LRP2: variants seen among roughly 807,000 people sequenced by gnomAD.
LRP2 encodes LDL receptor related protein 2, also known as low-density lipoprotein receptor-related protein 2.
LRP2 carries 172 observed loss-of-function variants against 531.0 expected under a neutral mutation model. That is an observed-to-expected ratio of 0.32 (90% confidence interval 0.29 to 0.37). LRP2 has a LOEUF of 0.37. LRP2 is among the 10% of genes least tolerant of loss of function. LRP2 has a pLI of 1.00. For missense variants in LRP2, 5,167 were observed against 5,868.3 expected (o/e 0.88, Z 3.90); for synonymous variants, 1,992 against 2,027.6 (o/e 0.98, Z 0.47).
At position 169,270,788 on chromosome 2, in the gene LRP2, AAAT is replaced by A. The variant is rs1411457400; in HGVS notation, c.2320+113_2320+115del. The A allele has an allele frequency of 2.8e-3, 1,317 of 472,290 alleles. 13 individuals carry two copies. Among genetic ancestry groups the A allele is most frequent in the African/African-American group, 0.024 (1,093 of 45,388 alleles). The allele number at this position is 472,290 out of a possible 1,614,324, so 29.3% of individuals were successfully genotyped here. A position where few individuals can be genotyped will look rare whatever the true frequency, so the allele number is the denominator to read the frequency against. The stretch of plus-strand genomic sequence containing the variant: ...TAAATAAATAAATAAATAAATAAAT[AAAT>A]AAGACTGCTTAAAAATTAGATACTG... On this transcript the variant is annotated intron_variant, in intron 16 of 78. Transcript: ENST00000649046.
intron 75 of LRP2, 144 bp downstream of exon 75, chr2:169,138,433 G>T: frequency 1.2e-6 from 1 of 859,490 alleles, no homozygotes; most frequent in Non-Finnish European, 1.8e-6. Context: ...CAAACCTAAT[G>T]TTTCCTAACT....
At chr2:169,324,227 T>C (rs544202523) in intron 1 of LRP2, among the ~76,000 whole-genome samples, 3 of 152,294 alleles carry the variant, frequency 2.0e-5, no homozygotes, top group African/African-American at 7.2e-5. Context: ...ACAGCAAATA[T>C]GTGCAAAGCA....
chr2:169,185,535 A>G lies in LRP2; in HGVS notation c.9813T>C (p.Ala3271=), dbSNP rs1205074484. The change falls in exon 50 of 79, where the codon GCT becomes GCC. Residue 3271 remains alanine, a synonymous_variant. Coordinates refer to ENST00000649046, the MANE Select transcript of LRP2 (RefSeq NM_004525.3). ...CCCAGTCTACAGCCAGACTTTCTGC[A>G]GCTGGTAGTCTGTGGTTTATGATTG... ...KETIINHRLP[A]AESLAVDWVS... is the part of the protein sequence containing the mutation. 3 of 1,613,792 alleles carry G rather than the reference A, an allele frequency of 1.9e-6. No homozygotes were observed. The highest frequency in any genetic ancestry group is 2.5e-6 in the Non-Finnish European group (3 of 1,179,998).
intron 53 of LRP2, among the ~76,000 whole-genome samples, chr2:169,177,583 C>T (rs1220364115): frequency 1.3e-5 from 2 of 151,814 alleles, no homozygotes; most frequent in Non-Finnish European, 2.9e-5. Context: ...AAGAATTGAG[C>T]GAGTTTTAAG....
Position 169,129,161 on chromosome 2 carries a change from T to A in LRP2, c.13729-77A>T. On this transcript the variant is annotated intron_variant, in intron 77 of 78. Coordinates refer to ENST00000649046, the MANE Select transcript of LRP2 (RefSeq NM_004525.3). ...GGTTTCTTTTCCTCCTGTCTCAGTTTTAAAATTTCTTCTTACTGAAGGGTA... is the reference window on the plus strand; with the variant it reads ...GGTTTCTTTTCCTCCTGTCTCAGTTATAAAATTTCTTCTTACTGAAGGGTA... The A allele has an allele frequency of 1.9e-6, 2 of 1,067,446 alleles. 1 individual carries two copies. The highest frequency in any genetic ancestry group is 2.5e-5 in the South Asian group (2 of 78,548). The allele number at this position is 1,067,446 out of a possible 1,614,324, so 66.1% of individuals were successfully genotyped here. A position where few individuals can be genotyped will look rare whatever the true frequency, so the allele number is the denominator to read the frequency against.
Position 169,139,528 on chromosome 2 carries a change from A to G in LRP2, c.13267+15T>C. 1.9e-6 allele frequency: 3 copies of G among 1,614,008 alleles called. No homozygotes were observed. The highest frequency in any genetic ancestry group is 2.2e-5 in the South Asian group (2 of 91,080). ...CATGAGTAATTTCCAAGTTGCTCAC[A>G]TTCTTAAAACTTACTTGTTCCTGGA... On this transcript the variant is annotated intron_variant, in intron 73 of 78. Coordinates refer to ENST00000649046, the MANE Select transcript of LRP2 (RefSeq NM_004525.3).
intron 12 of LRP2, among the ~76,000 whole-genome samples, chr2:169,278,303 G>A (rs1683610756): frequency 6.6e-6 from 1 of 151,790 alleles, no homozygotes; most frequent in Middle Eastern, 3.4e-3. Context: ...TGGGCAACAT[G>A]GCAAGACCCC....
intron 78 of LRP2, 24 bp downstream of exon 78, chr2:169,128,989 C>G: frequency 1.3e-6 from 2 of 1,583,572 alleles, no homozygotes; most frequent in Non-Finnish European, 1.7e-6. Context: ...AATGTCTGTG[C>G]TAAGAAAAAT....
intron 28 of LRP2, 92 bp from the exon 29 acceptor site, chr2:169,236,160 C>A: frequency 1.1e-6 from 1 of 932,894 alleles, no homozygotes; most frequent in Non-Finnish European, 1.7e-6. Flanking sequence ...CTGTTTATGC[C>A]CTGCTTAAAA....
intron 4 of LRP2, among the ~76,000 whole-genome samples, chr2:169,299,573 A>G (rs936238095): frequency 1.4e-4 from 21 of 152,102 alleles, no homozygotes; most frequent in African/African-American, 4.8e-4. Flanking sequence ...CTCTATTACA[A>G]AAGTGACCGA....
At position 169,216,245 on chromosome 2, in the gene LRP2, G is replaced by A. The variant is rs371288915; in HGVS notation, c.5826+8C>T. On this transcript the variant is annotated splice_region_variant and intron_variant, in intron 35 of 78. Transcript: ENST00000649046. The stretch of plus-strand genomic sequence containing the variant: ...ATAAAGACCAAAAGACTGAAAGGGT[G>A]CTCATACCACTCCTCTTCCAGTGAC... The A allele has an allele frequency of 1.1e-5, 17 of 1,612,918 alleles. No homozygotes were observed. The African/African-American group carries it at 2.0e-4, about 19-fold the overall frequency.
intron 1 of LRP2, among the ~76,000 whole-genome samples, chr2:169,353,862 G>C (rs1685921458): frequency 6.6e-6 from 1 of 152,124 alleles, no homozygotes; most frequent in South Asian, 2.1e-4. Flanking sequence ...GTGCTGGTAT[G>C]TGTCTGTAGT....
chr2:169,134,999 C>T (rs1047111061), intron 76 of LRP2, among the ~76,000 whole-genome samples: 10 of 152,180 alleles, frequency 6.6e-5, no homozygotes, highest in African/African-American at 2.4e-4. Context: ...ACCTAGTCCC[C>T]CGCTGAAACT....
chr2:169,168,441 T>C (rs1046727483), intron 61 of LRP2, 98 bp downstream of exon 61: 3 of 1,459,050 alleles, frequency 2.1e-6, no homozygotes, highest in African/African-American at 1.4e-5. Context: ...TCCTAAACAA[T>C]TGTACAACTG....
chr2:169,177,891 T>C lies in LRP2; in HGVS notation c.10305A>G (p.Lys3435=), dbSNP rs1260788483. The C allele has an allele frequency of 6.2e-7, 1 of 1,614,240 alleles. No individual in the cohort carries two copies. The highest frequency in any genetic ancestry group is 1.7e-5 in the Admixed American group (1 of 60,036). Residue 3435 remains lysine, a synonymous_variant, in exon 53 of 79, where the codon AAA becomes AAG. Transcript: ENST00000649046. ...WNTRTVEKGN[K]YDGSNRQTLV... ...GTGTCTGTCTATTTGATCCATCATA[T>C]TTGTTTCCCTTTTCCACTGTCCTTG...
intron 76 of LRP2, among the ~76,000 whole-genome samples, chr2:169,136,755 G>A (rs981843791): frequency 4.6e-5 from 7 of 151,430 alleles, no homozygotes; most frequent in African/African-American, 9.7e-5. Context: ...CTCTCTTTTC[G>A]GACTCAGCCC....
At position 169,185,895 on chromosome 2, in the gene LRP2, A is replaced by G; in HGVS notation, c.9453T>C (p.Val3151=). 2 of 1,613,998 alleles carry G rather than the reference A, an allele frequency of 1.2e-6. No individual in the cohort carries two copies. The highest frequency in any genetic ancestry group is 1.7e-6 in the Non-Finnish European group (2 of 1,179,972). The change falls in exon 50 of 79, where the codon GTT becomes GTC. Residue 3151 remains valine, a synonymous_variant. Transcript: ENST00000649046. ...YKLMSDKRTC[V]DIDECTEMPF... ...GCATCTCTGTGCATTCATCAATATC[A>G]ACACAAGTCCGCTTGTCAGACATGA...
chr2:169,165,273 A>T (rs537574464), intron 62 of LRP2, among the ~76,000 whole-genome samples: 15 of 152,352 alleles, frequency 9.8e-5, no homozygotes, highest in African/African-American at 3.6e-4. Context: ...TTTTCTAGGC[A>T]AATTAAATTG....
At chr2:169,229,500 G>C (rs1689324833) in intron 31 of LRP2, among the ~76,000 whole-genome samples, 1 of 152,184 alleles carries the variant, frequency 6.6e-6, no homozygotes. Context: ...TTGTGCCCCT[G>C]AGACCGAGTC....
Sources: allele counts gnomAD v4.1 joint callset (sites outside exome capture counted in the v4.1 genomes callset), GRCh38; gene constraint gnomAD v4.1.1; transcripts MANE v1.5; gene names NCBI Gene and HGNC (gene_info 2026-07-23, HGNC 2026-07-21).